The following RCOR3 variants were observed in gnomAD, a reference collection of about 807,000 sequenced individuals.
RCOR3 encodes REST corepressor 3.
In RCOR3, 13 loss-of-function variants were observed where a neutral mutation model predicts 64.1. The ratio of observed to expected loss-of-function variants is 0.20; its 90% confidence interval spans 0.13 to 0.32. The LOEUF (loss-of-function observed/expected upper bound fraction) is 0.32. Ranked by LOEUF, RCOR3 falls within the 10% of genes least tolerant of loss-of-function variation. The pLI is 1.00. For synonymous variants in RCOR3, 215 were observed against 239.0 expected, an observed-to-expected ratio of 0.90 and a Z score of 0.93; for missense variants, 489 against 701.2, an observed-to-expected ratio of 0.70 and a Z score of 3.42.
Position 211,289,086 on chromosome 1 carries a change from T to A in RCOR3, c.721-92T>A, listed in dbSNP as rs540307249. On this transcript the variant is annotated intron_variant, in intron 7 of 11. Coordinates refer to ENST00000419091, the MANE Select transcript of RCOR3 (RefSeq NM_001136223.3). ...AGAAGTGTTTTTTTATGTGTACTTA[T>A]TGCAGCAGATACTTCTAATATTAAT... 4.3e-6 allele frequency: 4 copies of A among 930,782 alleles called. No individual in the cohort carries two copies. The African/African-American group carries it at 4.9e-5, about 11-fold the overall frequency. 57.7% of individuals were successfully genotyped at this position (930,782 alleles called of 1,614,324 possible).
intron 9 of RCOR3, among the ~76,000 whole-genome samples, chr1:211,300,071 C>CTT (rs11419492): frequency 0.059 from 7,213 of 121,232 alleles, 432 homozygotes; most frequent in South Asian, 0.13. Context: ...TTCTTTCTTT[C>CTT]TTTTTTTTTT....
intron 5 of RCOR3, among the ~76,000 whole-genome samples, chr1:211,277,569 G>T (rs1032294477): frequency 6.6e-6 from 1 of 152,102 alleles, no homozygotes; most frequent in Non-Finnish European, 1.5e-5. Context: ...GACACAAAAG[G>T]TCACATATTG....
At chr1:211,281,533 C>G (rs962582518) in intron 7 of RCOR3, among the ~76,000 whole-genome samples, 3 of 152,186 alleles carry the variant, frequency 2.0e-5, no homozygotes, top group African/African-American at 7.2e-5. Flanking sequence ...GTTGCTGATT[C>G]ACTGCTTGCA....
chr1:211,283,706 G>C (rs1698132812), intron 7 of RCOR3, among the ~76,000 whole-genome samples: 1 of 151,976 alleles, frequency 6.6e-6, no homozygotes, highest in Non-Finnish European at 1.5e-5. Context: ...GTGCAGTTGT[G>C]TGATCATAGC....
At chr1:211,259,803 C>T (rs1481569630) in intron 1 of RCOR3, 77 bp downstream of exon 1, 5 of 1,280,568 alleles carry the variant, frequency 3.9e-6, no homozygotes, top group African/African-American at 3.3e-5. Flanking sequence ...CTCCCCTCGC[C>T]GCTCTCCCGC....
intron 7 of RCOR3, among the ~76,000 whole-genome samples, chr1:211,281,247 A>G (rs972958818): frequency 1.3e-4 from 20 of 151,994 alleles, no homozygotes; most frequent in African/African-American, 4.6e-4. Context: ...TCTGATTCCC[A>G]TCTACCTTTT....
At chr1:211,310,478 A>T (rs896258702) in intron 10 of RCOR3, among the ~76,000 whole-genome samples, 1 of 152,226 alleles carries the variant, frequency 6.6e-6, no homozygotes, top group Non-Finnish European at 1.5e-5. Context: ...TACATGAGTT[A>T]ATTATAAGCA....
chr1:211,300,124 G>T (rs1336052103), intron 9 of RCOR3, among the ~76,000 whole-genome samples: 1 of 138,042 alleles, frequency 7.2e-6, no homozygotes, highest in African/African-American at 2.6e-5. Flanking sequence ...ATGCTGGAGT[G>T]CAGTGGCATG....
intron 10 of RCOR3, among the ~76,000 whole-genome samples, chr1:211,309,086 T>TAAAAAAAAAAAAA (rs10688171): frequency 5.3e-5 from 6 of 113,862 alleles, no homozygotes; most frequent in East Asian, 2.8e-4. Context: ...TAGCTAAACA[T>TAAAAAAAAAAAAA]AAAAAAAAAA....
rs10688171 is a variant in RCOR3 at position 211,309,086 on chromosome 1, T to TAAAAA, written c.1076-3618_1076-3614dup. On this transcript the variant is annotated intron_variant, in intron 10 of 11. Transcript: ENST00000419091. ...CCATGCTATCCTTTCTAGCTAAACA[T>TAAAAA]AAAAAAAAAAAAAAAAAAAAGATTC... Among the ~76,000 whole-genome samples the TAAAAA allele has an allele frequency of 8.0e-4, 91 of 113,768 alleles. 1 individual carries two copies. The highest frequency in any genetic ancestry group is 2.0e-3 in the East Asian group (7 of 3,528). 74.6% of individuals were successfully genotyped at this position (113,768 alleles called of 152,430 possible).
rs187355475 is a variant in RCOR3, at chr1:211,262,663, G to T, written c.223+2499G>T. ...TGTTTAAGAGCCAGACTTAATGCTG[G>T]AACAAACTTGTACATGCCATAGCAT... is the stretch of plus-strand genomic sequence containing the variant. On this transcript the variant is annotated intron_variant, in intron 2 of 11. Coordinates refer to ENST00000419091, the MANE Select transcript of RCOR3 (RefSeq NM_001136223.3). Among the ~76,000 whole-genome samples the T allele has an allele frequency of 3.3e-5, 5 of 152,208 alleles. No individual in the cohort carries two copies. The East Asian group carries it at 7.7e-4, about 24-fold the overall frequency.
At chr1:211,261,992 C>T (rs1473023936) in intron 2 of RCOR3, among the ~76,000 whole-genome samples, 2 of 143,502 alleles carry the variant, frequency 1.4e-5, no homozygotes, top group African/African-American at 2.6e-5. Flanking sequence ...CTGAGCAAGC[C>T]ACAGGCTTTC....
intron 5 of RCOR3, among the ~76,000 whole-genome samples, chr1:211,277,225 A>G (rs937642913): frequency 3.3e-5 from 5 of 149,780 alleles, no homozygotes; most frequent in Non-Finnish European, 7.4e-5. Context: ...CATTTTTAGT[A>G]TTGTGTCAAA....
intron 2 of RCOR3, among the ~76,000 whole-genome samples, chr1:211,260,655 C>T (rs961043891): frequency 6.7e-6 from 1 of 149,666 alleles, no homozygotes; most frequent in Non-Finnish European, 1.5e-5. Flanking sequence ...TGTGCGCAGC[C>T]GGGATTGTCT....
chr1:211,274,397 A>G (rs544933227), intron 4 of RCOR3, 135 bp downstream of exon 4: 16 of 511,994 alleles, frequency 3.1e-5, no homozygotes, highest in African/African-American at 2.8e-4. Context: ...AAGTCCTAGC[A>G]AAGAGTGACC....
intron 2 of RCOR3, among the ~76,000 whole-genome samples, chr1:211,266,279 T>C (rs1184808090): frequency 6.6e-6 from 1 of 152,160 alleles, no homozygotes; most frequent in African/African-American, 2.4e-5. Flanking sequence ...CTTTATATAG[T>C]ATATTTGTTC....
At chr1:211,277,008 C>T (rs1399173348) in intron 5 of RCOR3, among the ~76,000 whole-genome samples, 2 of 151,472 alleles carry the variant, frequency 1.3e-5, no homozygotes, top group Non-Finnish European at 2.9e-5. Flanking sequence ...ATAGCTTGAA[C>T]CCGGGAGGCA....
At chr1:211,262,864 A>T (rs1444817067) in intron 2 of RCOR3, among the ~76,000 whole-genome samples, 9 of 104,366 alleles carry the variant, frequency 8.6e-5, no homozygotes, top group Non-Finnish European at 1.8e-4. Context: ...TTTATTTTTT[A>T]AACAACTTTT....
intron 2 of RCOR3, among the ~76,000 whole-genome samples, chr1:211,262,033 C>CTTTTTTT (rs1196587722): frequency 0.029 from 1,883 of 65,520 alleles, 282 homozygotes; most frequent in East Asian, 0.054. Context: ...GCTATAAAAA[C>CTTTTTTT]TTTTTTTTTT....
Sources: gnomAD v4.1 joint callset for allele counts (sites outside exome capture counted in the v4.1 genomes callset) on GRCh38, gnomAD v4.1.1 for gene constraint, MANE v1.5 for transcripts, NCBI Gene and HGNC (gene_info 2026-07-23, HGNC 2026-07-21) for gene names.